PTCHD4: variants seen among roughly 807,000 people sequenced by gnomAD.
The protein encoded by PTCHD4 is patched domain-containing protein 4.
Under a neutral mutation model 58.1 loss-of-function variants are expected in PTCHD4, and 33 were observed. The observed-to-expected ratio is 0.57, with a 90% CI of 0.43 to 0.76. The LOEUF is 0.76. PTCHD4 is among the 30% of genes least tolerant of loss of function. The pLI, the probability that PTCHD4 is intolerant of heterozygous loss-of-function variation, is 0.00. For synonymous variants in PTCHD4, 478 were observed against 409.6 expected (o/e 1.17, Z -2.02); for missense variants, 1,058 against 1,027.1 (o/e 1.03, Z -0.41).
At chr6:47,943,339 G>T (rs1370993253) in intron 4 of PTCHD4, among the ~76,000 whole-genome samples, 1 of 151,970 alleles carries the variant, frequency 6.6e-6, no homozygotes, top group East Asian at 1.9e-4. Context: ...TGATTTTCTT[G>T]TGTTTTCCTA....
At chr6:48,043,697 C>T (rs1416893191) in intron 3 of PTCHD4, among the ~76,000 whole-genome samples, 1 of 151,770 alleles carries the variant, frequency 6.6e-6, no homozygotes, top group African/African-American at 2.4e-5. Flanking sequence ...AGAAATGCCA[C>T]CAAAAATAGG....
In PTCHD4 at chr6:47,861,456, G is replaced by A. The variant is rs766998284; in HGVS notation, c.*16847C>T. Among the ~76,000 whole-genome samples, 1 of 151,854 alleles carries A rather than the reference G, an allele frequency of 6.6e-6. No individual in the cohort carries two copies. The highest frequency in any genetic ancestry group is 1.5e-5 in the Non-Finnish European group (1 of 67,884). On this transcript the variant is annotated 3_prime_UTR_variant, in exon 5 of 5. Transcript: ENST00000339488. ...TAAGTGTATTAATTTCAAACAAAAA[G>A]ATGTATACCCTCAAGGCTGTATCTG... is the stretch of plus-strand genomic sequence containing the variant.
At position 47,862,042 on chromosome 6, in the gene PTCHD4, A is replaced by G. The variant is rs1383133642; in HGVS notation, c.*16261T>C. On this transcript the variant is annotated 3_prime_UTR_variant, in exon 5 of 5. Transcript: ENST00000339488. Reference sequence around the variant, plus strand: ...TTATTGAACATAACCCAGTACTCTAAGTATTCGAATTTAATACAAAAAGAA... The same window carrying G: ...TTATTGAACATAACCCAGTACTCTAGGTATTCGAATTTAATACAAAAAGAA... Among the ~76,000 whole-genome samples, 3 of 151,880 alleles carry G rather than the reference A, an allele frequency of 2.0e-5. No individual in the cohort carries two copies. The highest frequency in any genetic ancestry group is 4.4e-5 in the Non-Finnish European group (3 of 67,872).
intron 4 of PTCHD4, among the ~76,000 whole-genome samples, chr6:47,896,743 C>T (rs1025704137): frequency 3.3e-5 from 5 of 152,102 alleles, no homozygotes; most frequent in Non-Finnish European, 2.9e-5. Context: ...TGGAGAACAC[C>T]GCTGTATCTG....
chr6:48,017,922 G>A (rs886766566), intron 3 of PTCHD4, among the ~76,000 whole-genome samples: 4 of 152,178 alleles, frequency 2.6e-5, no homozygotes, highest in African/African-American at 9.7e-5. Context: ...ACACTGACAA[G>A]ATGTGCAAGG....
At position 48,041,846 on chromosome 6, in the gene PTCHD4, T is replaced by A. The variant is rs182468100; in HGVS notation, c.417+26384A>T. 1.1e-4 allele frequency among the ~76,000 whole-genome samples: 16 copies of A among 152,208 alleles called. No individual in the cohort carries two copies. In the East Asian group the frequency reaches 2.1e-3, roughly 20 times the overall value. ...TTTCTTTTTTACTCTCTTTTTCTTA[T>A]CTTTTAAAAAGCTATCTGAAATTAT... On this transcript the variant is annotated intron_variant, in intron 3 of 4. Transcript: ENST00000339488.
In PTCHD4 at chr6:47,863,537, T is replaced by C. The variant is rs1763483070; in HGVS notation, c.*14766A>G. 6.6e-6 allele frequency among the ~76,000 whole-genome samples: 1 copy of C among 151,976 alleles called. No homozygotes were observed. Among genetic ancestry groups the C allele is most frequent in the Non-Finnish European group, 1.5e-5 (1 of 67,918 alleles). On this transcript the variant is annotated 3_prime_UTR_variant, in exon 5 of 5. Coordinates refer to ENST00000339488, the MANE Select transcript of PTCHD4 (RefSeq NM_001384253.1). Reference sequence around the variant, plus strand: ...AAAAATGCAATATGCCCAGTTAAATTTGAATTTCAGAGAAACAAGTATTTT... The same window carrying C: ...AAAAATGCAATATGCCCAGTTAAATCTGAATTTCAGAGAAACAAGTATTTT...
At chr6:48,084,262 T>A (rs1765221161) in intron 1 of PTCHD4, among the ~76,000 whole-genome samples, 1 of 152,238 alleles carries the variant, frequency 6.6e-6, no homozygotes, top group Non-Finnish European at 1.5e-5. Context: ...TGTATTCTAC[T>A]GGATACTTCT....
In PTCHD4 at chr6:47,869,963, C is replaced by T. The variant is rs1004273831; in HGVS notation, c.*8340G>A. 5.9e-5 allele frequency among the ~76,000 whole-genome samples: 9 copies of T among 151,498 alleles called. 1 individual carries two copies. In the East Asian group the frequency reaches 1.4e-3, roughly 23 times the overall value. ...CAATAAAGAATGAAGAAAAATCTGG[C>T]GAATTTAAGAATAACCTAGCTTTTA... On this transcript the variant is annotated 3_prime_UTR_variant, in exon 5 of 5. Transcript: ENST00000339488.
At chr6:48,096,266 C>T (rs575619683) in intron 1 of PTCHD4, among the ~76,000 whole-genome samples, 6 of 152,102 alleles carry the variant, frequency 3.9e-5, no homozygotes, top group Non-Finnish European at 7.4e-5. Context: ...TGGAAGAAAT[C>T]GGCAAAGGCA....
intron 4 of PTCHD4, among the ~76,000 whole-genome samples, chr6:47,919,023 TG>T (rs1765347840): frequency 6.6e-6 from 1 of 152,136 alleles, no homozygotes. Flanking sequence ...GCAACGAGGT[TG>T]AAGAGATCTG....
At chr6:48,104,076 A>G (rs920032919) in intron 1 of PTCHD4, among the ~76,000 whole-genome samples, 2 of 152,192 alleles carry the variant, frequency 1.3e-5, no homozygotes, top group Non-Finnish European at 2.9e-5. Flanking sequence ...GCAGGCCAAC[A>G]TTCAAATTCG....
rs1763628947 is a variant in PTCHD4, at chr6:47,868,415, A to G, written c.*9888T>C. ...AAGAAAATGAAACAAAACAACAACA[A>G]AAGCTTCTGAATATGGGCTCTCAAA... On this transcript the variant is annotated 3_prime_UTR_variant, in exon 5 of 5. Coordinates refer to ENST00000339488, the MANE Select transcript of PTCHD4 (RefSeq NM_001384253.1). Among the ~76,000 whole-genome samples the G allele has an allele frequency of 6.6e-6, 1 of 151,778 alleles. No homozygotes were observed. Among genetic ancestry groups the G allele is most frequent in the South Asian group, 2.1e-4 (1 of 4,830 alleles).
intron 4 of PTCHD4, among the ~76,000 whole-genome samples, chr6:47,975,044 G>A (rs899634443): frequency 6.6e-6 from 1 of 152,112 alleles, no homozygotes; most frequent in Non-Finnish European, 1.5e-5. Context: ...CATCTCCTCT[G>A]GGAAGCCTTC....
rs919172203 is a variant in PTCHD4, at chr6:47,857,109, C to A, written c.*21194G>T. Among the ~76,000 whole-genome samples, 7 of 152,026 alleles carry A rather than the reference C, an allele frequency of 4.6e-5. No homozygotes were observed. The highest frequency in any genetic ancestry group is 3.3e-4 in the Admixed American group (5 of 15,258). ...GAAATCATATTATATAGTATTGTCC[C>A]ACCTAACAAAAATTACTTATGATCA... is the stretch of plus-strand genomic sequence containing the variant. On this transcript the variant is annotated 3_prime_UTR_variant, in exon 5 of 5. Transcript: ENST00000339488.
intron 4 of PTCHD4, among the ~76,000 whole-genome samples, chr6:47,919,346 A>G (rs1433656073): frequency 6.6e-6 from 1 of 152,216 alleles, no homozygotes; most frequent in Non-Finnish European, 1.5e-5. Context: ...ATAAATAAAA[A>G]TAAAACCATA....
intron 4 of PTCHD4, among the ~76,000 whole-genome samples, chr6:47,940,732 T>G (rs1033830465): frequency 1.3e-5 from 2 of 152,186 alleles, no homozygotes; most frequent in African/African-American, 4.8e-5. Flanking sequence ...GTATAAGATA[T>G]GGGAAAAACC....
At chr6:48,090,186 A>G (rs935920222) in intron 1 of PTCHD4, among the ~76,000 whole-genome samples, 3 of 152,222 alleles carry the variant, frequency 2.0e-5, no homozygotes, top group African/African-American at 7.2e-5. Context: ...AAATTCCAAA[A>G]TTAATTATGA....
At chr6:48,013,956 C>T (rs889213828) in intron 3 of PTCHD4, among the ~76,000 whole-genome samples, 28 of 152,134 alleles carry the variant, frequency 1.8e-4, no homozygotes, top group Middle Eastern at 3.4e-3. Context: ...AGGCTAGTGT[C>T]GGTTTTTAAA....
Sources: gnomAD v4.1 joint callset for allele counts (sites outside exome capture counted in the v4.1 genomes callset) on GRCh38, gnomAD v4.1.1 for gene constraint, MANE v1.5 for transcripts, NCBI Gene and HGNC (gene_info 2026-07-23, HGNC 2026-07-21) for gene names.